Variants in UNC79 observed in about 807,000 individuals in gnomAD.
UNC79 encodes protein unc-79 homolog.
UNC79 carries 37 observed loss-of-function variants against 283.1 expected under a neutral mutation model. The observed-to-expected ratio is 0.13, with a 90% CI of 0.10 to 0.17. The LOEUF is 0.17. UNC79 is among the 10% of genes least tolerant of loss of function. The pLI, the probability that UNC79 is intolerant of heterozygous loss-of-function variation, is 1.00. For missense variants in UNC79, 2,272 were observed against 3,211.1 expected, an observed-to-expected ratio of 0.71 and a Z score of 7.07; for synonymous variants, 1,107 against 1,200.2, an observed-to-expected ratio of 0.92 and a Z score of 1.61.
At chr14:93,385,871 G>C (rs762901094) in intron 1 of UNC79, among the ~76,000 whole-genome samples, 1 of 151,830 alleles carries the variant, frequency 6.6e-6, no homozygotes, top group Non-Finnish European at 1.5e-5. Flanking sequence ...ATAACTTTTT[G>C]GTGGAGTCTT....
intron 1 of UNC79, among the ~76,000 whole-genome samples, chr14:93,351,732 G>A (rs545451960): frequency 7.9e-5 from 12 of 152,114 alleles, no homozygotes; most frequent in East Asian, 1.9e-4. Context: ...GAATTGGCTC[G>A]TGGTTGTGGA....
intron 42 of UNC79, 125 bp from the exon 46 acceptor site, chr14:93,686,447 T>C (rs989285519): frequency 1.0e-5 from 10 of 954,886 alleles, no homozygotes; most frequent in African/African-American, 1.6e-5. Context: ...CTGAGAGTAA[T>C]GGAGTGAGTC....
At chr14:93,563,736 G>C (rs1018106825) in intron 14 of UNC79, among the ~76,000 whole-genome samples, 1 of 152,152 alleles carries the variant, frequency 6.6e-6, no homozygotes, top group African/African-American at 2.4e-5. Context: ...GTGAATGTCA[G>C]GTAGATCAGA....
rs751484888 is a variant in UNC79, at chr14:93,704,682, G to A, written c.7590+16G>A. On this transcript the variant is annotated intron_variant, in intron 48 of 48. Coordinates refer to ENST00000555664, the Ensembl canonical transcript of UNC79. ...AAATATCAAGGTAAGTCACTCCCTG[G>A]GCTGATTGGAAGCTCGGTTTCCTGC... 1 of 1,614,074 alleles carries A rather than the reference G, an allele frequency of 6.2e-7. No homozygotes were observed. Among genetic ancestry groups the A allele is most frequent in the African/African-American group, 1.3e-5 (1 of 75,026 alleles).
chr14:93,467,733 G>C (rs1453287009), exon 2 of UNC79: 1 of 1,416,706 alleles, frequency 7.1e-7, no homozygotes, highest in Non-Finnish European at 9.2e-7. Flanking sequence ...CATTTATCCT[G>C]TACCATCAGG....
chr14:93,572,419 C>A (rs544536647), intron 15 of UNC79, among the ~76,000 whole-genome samples: 101 of 152,302 alleles, frequency 6.6e-4, no homozygotes, highest in South Asian at 1.0e-3. Context: ...GGGAGCAATG[C>A]TAATGCCTTA....
chr14:93,706,777 T>C lies in UNC79; in HGVS notation c.7664T>C (p.Leu2555Pro), dbSNP rs375964485. 5 of 1,614,146 alleles carry C rather than the reference T, an allele frequency of 3.1e-6. No individual in the cohort carries two copies. In the African/African-American group the frequency reaches 6.7e-5, roughly 22 times the overall value. The change falls in exon 49 of 49, where the codon CTG (leucine) becomes CCG (proline). Residue 2555 changes from leucine to proline, a missense_variant. Leu to Pro is a moderately conservative substitution (Grantham distance 98). Transcript: ENST00000555664. ...GTGAACCACCACAGCCTAAGGACGCTGCCGGGCTCGGGCCAGAGCAGTGCT... is the reference window on the plus strand; with the variant it reads ...GTGAACCACCACAGCCTAAGGACGCCGCCGGGCTCGGGCCAGAGCAGTGCT...
intron 1 of UNC79, among the ~76,000 whole-genome samples, chr14:93,394,408 TTTATC>T (rs1198772017): frequency 1.3e-4 from 18 of 138,050 alleles, no homozygotes; most frequent in Non-Finnish European, 2.4e-4. Context: ...TTTATTTTAT[TTTATC>T]TTATTTATTT....
intron 11 of UNC79, among the ~76,000 whole-genome samples, chr14:93,533,513 A>G (rs1293913660): frequency 6.6e-6 from 1 of 152,120 alleles, no homozygotes; most frequent in African/African-American, 2.4e-5. Flanking sequence ...TCTCACTCCC[A>G]TATCTGGGGC....
At chr14:93,373,780 C>A (rs530609700) in intron 1 of UNC79, among the ~76,000 whole-genome samples, 1 of 152,128 alleles carries the variant, frequency 6.6e-6, no homozygotes, top group Admixed American at 6.5e-5. Context: ...CTAATAAAGC[C>A]AGACAAAAAC....
chr14:93,595,377 A>G (rs372361700), intron 23 of UNC79, among the ~76,000 whole-genome samples: 2 of 152,106 alleles, frequency 1.3e-5, no homozygotes, highest in East Asian at 3.9e-4. Flanking sequence ...GGCATGAGCC[A>G]CCGTACCCGG....
chr14:93,687,635 A>C (rs1172616221), intron 43 of UNC79, among the ~76,000 whole-genome samples: 1 of 152,162 alleles, frequency 6.6e-6, no homozygotes, highest in East Asian at 1.9e-4. Flanking sequence ...TAGATTTGCA[A>C]ATCCCAGGCA....
chr14:93,610,602 C>A (rs965780264), intron 26 of UNC79, among the ~76,000 whole-genome samples: 1 of 151,392 alleles, frequency 6.6e-6, no homozygotes, highest in African/African-American at 2.4e-5. Flanking sequence ...TTTTTCTTTT[C>A]TTTTCTTTCT....
chr14:93,427,242 A>G (rs554606093), upstream of UNC79, among the ~76,000 whole-genome samples: 13 of 152,048 alleles, frequency 8.5e-5, no homozygotes, highest in Non-Finnish European at 1.8e-4. Flanking sequence ...GCTTTTAACT[A>G]GGTATTTTGG....
intron 1 of UNC79, among the ~76,000 whole-genome samples, chr14:93,421,312 A>G (rs1022819272): frequency 2.6e-5 from 4 of 151,668 alleles, no homozygotes; most frequent in Non-Finnish European, 5.9e-5. Flanking sequence ...TTTAGTGGCT[A>G]CTATGAGGAA....
chr14:93,666,231 T>C (rs1022938467), intron 40 of UNC79, among the ~76,000 whole-genome samples: 2 of 151,934 alleles, frequency 1.3e-5, no homozygotes, highest in Admixed American at 6.6e-5. Context: ...GTTCCAAACA[T>C]AGAATAAAAC....
intron 1 of UNC79, among the ~76,000 whole-genome samples, chr14:93,349,247 T>C (rs1465726749): frequency 2.0e-5 from 3 of 152,194 alleles, no homozygotes; most frequent in Admixed American, 1.3e-4. Flanking sequence ...CAATAAGTGA[T>C]TAACAGCAGA....
chr14:93,580,232 C>T, exon 19 of UNC79: 1 of 1,614,128 alleles, frequency 6.2e-7, no homozygotes, highest in Non-Finnish European at 8.5e-7. Context: ...ACAATGTCTT[C>T]CAAGCCCCCT....
intron 34 of UNC79, among the ~76,000 whole-genome samples, 156 bp from the exon 38 acceptor site, chr14:93,646,452 C>T (rs1279741617): frequency 8.5e-5 from 13 of 152,132 alleles, no homozygotes; most frequent in Admixed American, 8.5e-4. Flanking sequence ...TAGAGACTGA[C>T]CACTGAGTGG....
Sources: gnomAD v4.1 joint callset for allele counts (sites outside exome capture counted in the v4.1 genomes callset) on GRCh38, gnomAD v4.1.1 for gene constraint, MANE v1.5 for transcripts, NCBI Gene and HGNC (gene_info 2026-07-23, HGNC 2026-07-21) for gene names.